MACF1: variants seen among roughly 807,000 people sequenced by gnomAD.
MACF1 encodes the protein microtubule actin crosslinking factor 1, also known as microtubule-actin cross-linking factor 1.
Under a neutral mutation model 854.8 loss-of-function variants are expected in MACF1, and 193 were observed. That is an observed-to-expected ratio of 0.23 (90% CI 0.20 to 0.25). The LOEUF is 0.25. Ranked by LOEUF, MACF1 falls within the 10% of genes least tolerant of loss-of-function variation. MACF1 has a pLI of 1.00. For synonymous variants in MACF1, 3,185 were observed against 3,226.7 expected, an observed-to-expected ratio of 0.99 and a Z score of 0.44; for missense variants, 7,722 against 8,929.1, an observed-to-expected ratio of 0.86 and a Z score of 5.45.
At chr1:39,445,966 A>AG (rs1168638616) in intron 80 of MACF1, among the ~76,000 whole-genome samples, 1 of 152,256 alleles carries the variant, frequency 6.6e-6, no homozygotes, top group Admixed American at 6.5e-5. Context: ...TCCAAAAAAA[A>AG]GAGAAAACAA....
intron 6 of MACF1, among the ~76,000 whole-genome samples, chr1:39,268,173 C>T (rs1248078181): frequency 2.0e-5 from 3 of 152,138 alleles, no homozygotes; most frequent in Non-Finnish European, 2.9e-5. Context: ...TAGTACCAGC[C>T]GAGCTGGTTT....
At chr1:39,236,305 C>T (rs771355592) in intron 2 of MACF1, among the ~76,000 whole-genome samples, 4 of 152,166 alleles carry the variant, frequency 2.6e-5, no homozygotes, top group Non-Finnish European at 4.4e-5. Flanking sequence ...ACCAAGTTTC[C>T]CTCATACCTT....
chr1:39,282,948 G>A (rs1401297251), intron 7 of MACF1, among the ~76,000 whole-genome samples: 2 of 152,152 alleles, frequency 1.3e-5, no homozygotes, highest in South Asian at 2.1e-4. Flanking sequence ...AGTTCTAACC[G>A]ACGATATTTT....
chr1:39,453,893 C>G, intron 88 of MACF1, 43 bp downstream of exon 88: 1 of 1,610,086 alleles, frequency 6.2e-7, no homozygotes, highest in Non-Finnish European at 8.5e-7. Context: ...GCCCAGTAAA[C>G]TATCACTATA....
intron 15 of MACF1, among the ~76,000 whole-genome samples, chr1:39,288,033 T>C (rs935789567): frequency 1.3e-5 from 2 of 152,262 alleles, no homozygotes; most frequent in East Asian, 1.9e-4. Context: ...ATTAAAAAAA[T>C]TTTTTGTGGG....
intron 2 of MACF1, among the ~76,000 whole-genome samples, chr1:39,089,332 A>G (rs1345430611): frequency 6.6e-6 from 1 of 152,162 alleles, no homozygotes; most frequent in African/African-American, 2.4e-5. Flanking sequence ...CCTTCAACTA[A>G]AAAAGGGGTT....
chr1:39,437,245 CTT>C (rs937004431), intron 70 of MACF1, among the ~76,000 whole-genome samples: 3 of 101,348 alleles, frequency 3.0e-5, no homozygotes, highest in Non-Finnish European at 1.9e-5. Flanking sequence ...TAAATATTGG[CTT>C]TTTTTTTTTT....
rs569888303 is a variant in MACF1, at chr1:39,171,122, A to G, written c.221-60060A>G. ...TGTGGTCCAACAGCAATGAAGTCCCATTTGAATTTAACAGACGTTGGGACT... is the reference window on the plus strand; with the variant it reads ...TGTGGTCCAACAGCAATGAAGTCCCGTTTGAATTTAACAGACGTTGGGACT... On this transcript the variant is annotated intron_variant, in intron 2 of 93. Coordinates refer to the MACF1 transcript ENST00000361689. Among the ~76,000 whole-genome samples the G allele has an allele frequency of 5.3e-5, 8 of 152,038 alleles. No homozygotes were observed. The South Asian group carries it at 1.0e-3, about 20-fold the overall frequency.
At chr1:39,444,961 C>A (rs989560909) in intron 80 of MACF1, 126 bp downstream of exon 80, 2 of 781,534 alleles carry the variant, frequency 2.6e-6, no homozygotes, top group African/African-American at 3.5e-5. Context: ...AGAACTGATT[C>A]CATCTGTGTT....
chr1:39,233,373 C>A (rs1159387208), intron 2 of MACF1, among the ~76,000 whole-genome samples: 1 of 152,144 alleles, frequency 6.6e-6, no homozygotes. Context: ...TGTGTTCTTT[C>A]ATTTTACTTC....
At position 39,368,311 on chromosome 1, in the gene MACF1, A is replaced by G; in HGVS notation, c.12935A>G (p.Glu4312Gly). 1 of 1,612,384 alleles carries G rather than the reference A, an allele frequency of 6.2e-7. No homozygotes were observed. The highest frequency in any genetic ancestry group is 8.5e-7 in the Non-Finnish European group (1 of 1,178,656). The change falls in exon 50 of 101, where the codon GAG (glutamate) becomes GGG (glycine). Residue 4312 changes from glutamate (E) to glycine (G), a missense_variant. Physicochemically the swap from Glu to Gly is moderately conservative, Grantham distance 98. This residue lies in a region of MACF1 where 2,807 missense variants were observed against 3,235.8 expected (regional missense o/e 0.87). Transcript: ENST00000564288. Reference protein sequence around the residue: ...DFTELQKTVKEREKDASSCQE... With the variant: ...DFTELQKTVKGREKDASSCQE... ...ACAGAGCTACAGAAGACAGTTAAAG[A>G]GAGGTGAGTTATCACTTGTGTTGGT... is the stretch of plus-strand genomic sequence containing the variant.
intron 58 of MACF1, among the ~76,000 whole-genome samples, chr1:39,403,036 C>T (rs1642535689): frequency 1.3e-5 from 2 of 151,788 alleles, no homozygotes; most frequent in South Asian, 4.2e-4. Context: ...ATCTTTCTCT[C>T]TCTTTTGTTT....
intron 58 of MACF1, 131 bp downstream of exon 58, chr1:39,388,789 C>A: frequency 1.3e-6 from 1 of 796,744 alleles, no homozygotes; most frequent in Non-Finnish European, 1.8e-6. Flanking sequence ...CATGAAAGCA[C>A]ACTGTCTGAA....
Position 39,409,525 on chromosome 1 carries a change from CGCCCGCCT to C in MACF1, c.15817-12845_15817-12838del. 6.6e-6 allele frequency: 1 copy of C among 152,486 alleles called. No individual in the cohort carries two copies. The highest frequency in any genetic ancestry group is 1.9e-4 in the East Asian group (1 of 5,178). The allele number at this position is 152,486 out of a possible 1,614,324, so 9.4% of individuals were successfully genotyped here. A position where few individuals can be genotyped will look rare whatever the true frequency, so the allele number is the denominator to read the frequency against. On this transcript the variant is annotated intron_variant, in intron 58 of 100. Coordinates refer to ENST00000564288, the MANE Select transcript of MACF1 (RefSeq NM_001394062.1). This position sits in a 1 kb window ranked among gnomAD's most constrained non-coding sequence, Gnocchi z 4.2. Reference sequence around the variant, plus strand: ...CCCGCGGCCGCTGCTGCTGCCCGCCCGCCCGCCTGCCTTTCCGAAGGCCTGGCGCGGGG... The same window carrying C: ...CCCGCGGCCGCTGCTGCTGCCCGCCCGCCTTTCCGAAGGCCTGGCGCGGGG...
intron 2 of MACF1, among the ~76,000 whole-genome samples, chr1:39,106,922 C>T (rs779613792): frequency 6.6e-6 from 1 of 151,940 alleles, no homozygotes; most frequent in Non-Finnish European, 1.5e-5. Context: ...TCTGCATCAG[C>T]TCCTGTAAAC....
rs148087181 is a variant in MACF1 at position 39,424,140 on chromosome 1, A to T, written c.16262A>T (p.Gln5421Leu). The T allele has an allele frequency of 4.7e-5, 76 of 1,613,566 alleles. No individual in the cohort carries two copies. The highest frequency in any genetic ancestry group is 1.7e-6 in the Non-Finnish European group (2 of 1,179,924). Residue 5421 changes from glutamine (Q) to leucine (L), a missense_variant, in exon 61 of 101, where the codon CAG becomes CTG. This residue lies in a region of MACF1 where 2,807 missense variants were observed against 3,235.8 expected (regional missense o/e 0.87). Coordinates refer to ENST00000564288, the MANE Select transcript of MACF1 (RefSeq NM_001394062.1). ...ELADREKITG[Q>L]LESLESRWTE... ...GCTGATAGAGAGAAAATCACTGGAC[A>T]GCTGGAGAGTCTTGAAAGTAGATGG...
At chr1:39,255,014 G>T (rs1215871500) in intron 5 of MACF1, among the ~76,000 whole-genome samples, 3 of 151,886 alleles carry the variant, frequency 2.0e-5, no homozygotes, top group African/African-American at 7.3e-5. Context: ...GTCATAGAAC[G>T]TTTCACCGAG....
chr1:39,463,154 G>C (rs1164282799), intron 93 of MACF1, among the ~76,000 whole-genome samples: 1 of 152,140 alleles, frequency 6.6e-6, no homozygotes, highest in African/African-American at 2.4e-5. Context: ...ATTTGGAACA[G>C]ACAATAAATG....
At position 39,324,643 on chromosome 1, in the gene MACF1, T is replaced by C; in HGVS notation, c.4390-3T>C. On this transcript the variant is annotated splice_region_variant and splice_polypyrimidine_tract_variant and intron_variant, in intron 34 of 100. Coordinates refer to ENST00000564288, the MANE Select transcript of MACF1 (RefSeq NM_001394062.1). The stretch of plus-strand genomic sequence containing the variant: ...GCTTTTTCTCTTTATTTCTACCATG[T>C]AGGTTCTGTCAGAAGAGCTGACAAC... The C allele has an allele frequency of 6.2e-7, 1 of 1,609,442 alleles. No homozygotes were observed. The highest frequency in any genetic ancestry group is 2.2e-5 in the East Asian group (1 of 44,846).
Sources: gnomAD v4.1 joint callset for allele counts (sites outside exome capture counted in the v4.1 genomes callset) on GRCh38, gnomAD v4.1.1 for gene constraint, gnomAD v4.1.1 regional missense constraint, Gnocchi (gnomAD v3.1) non-coding constraint, MANE v1.5 for transcripts, NCBI Gene and HGNC (gene_info 2026-07-23, HGNC 2026-07-21) for gene names.